IQCH: variants seen among roughly 807,000 people sequenced by gnomAD.
The protein encoded by IQCH is IQ domain-containing protein H.
A neutral mutation model predicts 117.0 loss-of-function variants in IQCH; 98 were observed. That is an observed-to-expected ratio of 0.84 (90% confidence interval 0.71 to 0.99). The LOEUF (loss-of-function observed/expected upper bound fraction) is 0.99. IQCH is among the 50% of genes least tolerant of loss of function. IQCH has a pLI of 0.00. For synonymous variants in IQCH, 412 were observed against 448.2 expected (o/e 0.92, Z 1.02); for missense variants, 1,102 against 1,243.8 (o/e 0.89, Z 1.72).
rs778839597 is a variant in IQCH at position 67,421,624 on chromosome 15, C to A, written c.2505+47C>A. ...CGAAATGCTAAAATATGTAATGACT[C>A]CGCACCCTACACACCTACAGTACAA... is the stretch of plus-strand genomic sequence containing the variant. On this transcript the variant is annotated intron_variant, in intron 16 of 20. Coordinates refer to ENST00000335894, the MANE Select transcript of IQCH (RefSeq NM_001031715.3). The A allele has an allele frequency of 5.1e-6, 8 of 1,580,272 alleles. No homozygotes were observed. In the South Asian group the frequency reaches 5.7e-5, roughly 11 times the overall value.
At chr15:67,397,529 G>C (rs558777543) in intron 13 of IQCH, among the ~76,000 whole-genome samples, 45 of 152,210 alleles carry the variant, frequency 3.0e-4, no homozygotes, top group Non-Finnish European at 5.7e-4. Context: ...TCCAGATAGT[G>C]ACTACCCTAT....
chr15:67,292,890 A>G (rs1486064475), intron 4 of IQCH, among the ~76,000 whole-genome samples: 1 of 152,132 alleles, frequency 6.6e-6, no homozygotes, highest in Non-Finnish European at 1.5e-5. Flanking sequence ...CCAGTCCTGG[A>G]TCTGTTATCC....
At chr15:67,492,684 C>A (rs2141097024) in intron 19 of IQCH, among the ~76,000 whole-genome samples, 1 of 152,268 alleles carries the variant, frequency 6.6e-6, no homozygotes, top group Non-Finnish European at 1.5e-5. Flanking sequence ...GGCTGACACT[C>A]AGGAGCAGGA....
chr15:67,372,302 A>T lies in IQCH; in HGVS notation c.945A>T (p.Pro315=). 1 of 1,614,130 alleles carries T rather than the reference A, an allele frequency of 6.2e-7. No homozygotes were observed. Among genetic ancestry groups the T allele is most frequent in the Non-Finnish European group, 8.5e-7 (1 of 1,180,006 alleles). Residue 315 remains proline (P), a synonymous_variant, in exon 9 of 21, where the codon CCA becomes CCT. Coordinates refer to ENST00000335894, the MANE Select transcript of IQCH (RefSeq NM_001031715.3). Reference sequence around the variant, plus strand: ...AGTTTCTCAGGAACTATGCTATACCAGAAGTCAAAATAAAAGGGAATAATT... The same window carrying T: ...AGTTTCTCAGGAACTATGCTATACCTGAAGTCAAAATAAAAGGGAATAATT... The part of the protein sequence containing the change: ...VEKFLRNYAI[P]EVKIKGNNLV...
intron 16 of IQCH, among the ~76,000 whole-genome samples, chr15:67,434,254 C>G (rs988944822): frequency 2.0e-5 from 3 of 152,174 alleles, no homozygotes; most frequent in Admixed American, 1.3e-4. Context: ...CTTCCGACCC[C>G]TGGTAATCAC....
At position 67,474,771 on chromosome 15, in the gene IQCH, C is replaced by A. The variant is rs2083162865; in HGVS notation, c.2677-925C>A. On this transcript the variant is annotated intron_variant, in intron 17 of 20. Coordinates refer to ENST00000335894, the MANE Select transcript of IQCH (RefSeq NM_001031715.3). The surrounding 1 kb of genome is among the most constrained non-coding windows in gnomAD (Gnocchi z 4.1). Reference sequence around the variant, plus strand: ...GAAAATATCTTTACAGCAGAGAAATCTGTAAAGTTTTTTCACAAGCTTCAA... The same window carrying A: ...GAAAATATCTTTACAGCAGAGAAATATGTAAAGTTTTTTCACAAGCTTCAA... Among the ~76,000 whole-genome samples, 2 of 152,154 alleles carry A rather than the reference C, an allele frequency of 1.3e-5. No homozygotes were observed. The highest frequency in any genetic ancestry group is 4.8e-5 in the African/African-American group (2 of 41,432).
At position 67,344,069 on chromosome 15, in the gene IQCH, T is replaced by C. The variant is rs1352971809; in HGVS notation, c.515T>C (p.Leu172Ser). The change falls in exon 6 of 21, where the codon TTA becomes TCA. Residue 172 changes from leucine to serine, a missense_variant. This residue lies in a region of IQCH where 452 missense variants were observed against 449.6 expected (regional missense o/e 1.01). Transcript: ENST00000335894. ...TATTAATGTTTCTTTTTAGGGATTT[T>C]AAGTATGATAGAACGAGGGCTGATT... ...VLQADAHKGI[L>S]SMIERGLIPP... 3 of 1,611,498 alleles carry C rather than the reference T, an allele frequency of 1.9e-6. No individual in the cohort carries two copies. The highest frequency in any genetic ancestry group is 2.5e-6 in the Non-Finnish European group (3 of 1,178,694).
rs2082153698 is a variant in IQCH at position 67,436,974 on chromosome 15, A to G, written c.2505+15397A>G. On this transcript the variant is annotated intron_variant, in intron 16 of 20. Coordinates refer to ENST00000335894, the MANE Select transcript of IQCH (RefSeq NM_001031715.3). This position sits in a 1 kb window ranked among gnomAD's most constrained non-coding sequence, Gnocchi z 5.1. The stretch of plus-strand genomic sequence containing the variant: ...ATGGTCCTTCCCTATCCACCCTGGT[A>G]GCAGAAGACAAAGGGCATATAATCT... Among the ~76,000 whole-genome samples, 3 of 150,118 alleles carry G rather than the reference A, an allele frequency of 2.0e-5. No homozygotes were observed. Among genetic ancestry groups the G allele is most frequent in the Middle Eastern group, 3.4e-3 (1 of 294 alleles).
intron 4 of IQCH, among the ~76,000 whole-genome samples, chr15:67,336,022 C>T (rs774617884): frequency 2.6e-5 from 4 of 151,778 alleles, no homozygotes; most frequent in Non-Finnish European, 4.4e-5. Flanking sequence ...ATTGTGCAAC[C>T]GAGTCCAATG....
intron 4 of IQCH, among the ~76,000 whole-genome samples, chr15:67,308,645 G>A (rs1967429412): frequency 1.3e-5 from 2 of 152,044 alleles, no homozygotes; most frequent in South Asian, 4.1e-4. Context: ...CTGATTCACA[G>A]CCTATAAAAT....
intron 6 of IQCH, among the ~76,000 whole-genome samples, chr15:67,350,436 GT>G (rs1034461667): frequency 6.6e-6 from 1 of 151,888 alleles, no homozygotes; most frequent in Non-Finnish European, 1.5e-5. Context: ...TTTTGTTTTT[GT>G]TTTTTTGAGA....
At chr15:67,328,723 A>G (rs1968524563) in intron 4 of IQCH, among the ~76,000 whole-genome samples, 1 of 152,268 alleles carries the variant, frequency 6.6e-6, no homozygotes, top group Non-Finnish European at 1.5e-5. Flanking sequence ...CATGGCATGA[A>G]CATACTGCTG....
At position 67,366,653 on chromosome 15, in the gene IQCH, T is replaced by C. The variant is rs1169311166; in HGVS notation, c.754-5458T>C. Among the ~76,000 whole-genome samples the C allele has an allele frequency of 6.6e-6, 1 of 152,220 alleles. No individual in the cohort carries two copies. The highest frequency in any genetic ancestry group is 1.5e-5 in the Non-Finnish European group (1 of 68,048). ...GCTCGATGAGTTCTGTTTTTGCCTT[T>C]TATTCTCTTTGTAAAGGTTAAGGAC... is the stretch of plus-strand genomic sequence containing the variant. On this transcript the variant is annotated intron_variant, in intron 8 of 20. Coordinates refer to ENST00000335894, the MANE Select transcript of IQCH (RefSeq NM_001031715.3). The surrounding 1 kb of genome is among the most constrained non-coding windows in gnomAD (Gnocchi z 4.4).
chr15:67,331,832 C>G (rs1215974201), intron 4 of IQCH, among the ~76,000 whole-genome samples: 1 of 152,150 alleles, frequency 6.6e-6, no homozygotes, highest in Non-Finnish European at 1.5e-5. Flanking sequence ...CATTTCAGCC[C>G]TTAGGAAGGA....
intron 16 of IQCH, among the ~76,000 whole-genome samples, chr15:67,442,063 G>C (rs2082281339): frequency 6.6e-6 from 1 of 151,952 alleles, no homozygotes; most frequent in South Asian, 2.1e-4. Context: ...TCAAAAAATG[G>C]GCTACGGACA....
intron 16 of IQCH, among the ~76,000 whole-genome samples, chr15:67,435,502 T>C (rs1159822570): frequency 6.6e-6 from 1 of 152,004 alleles, no homozygotes; most frequent in East Asian, 1.9e-4. Flanking sequence ...GAGAATTGCT[T>C]GAACCAGGGA....
At chr15:67,383,421 A>T (rs1971007142) in intron 10 of IQCH, among the ~76,000 whole-genome samples, 1 of 152,218 alleles carries the variant, frequency 6.6e-6, no homozygotes, top group African/African-American at 2.4e-5. Context: ...CAAAGTGATC[A>T]GACATCTTTT....
chr15:67,362,141 C>T (rs1043398195), intron 8 of IQCH, among the ~76,000 whole-genome samples: 2 of 66,592 alleles, frequency 3.0e-5, no homozygotes, highest in African/African-American at 5.1e-5. Context: ...CATACATATA[C>T]GCACACACCA....
At chr15:67,338,921 G>GGCCAA (rs1969022287) in intron 5 of IQCH, among the ~76,000 whole-genome samples, 1 of 151,904 alleles carries the variant, frequency 6.6e-6, no homozygotes, top group Admixed American at 6.5e-5. Context: ...ATCTTTATCA[G>GGCCAA]GCCAAGCACA....
Sources: gnomAD v4.1 joint callset for allele counts (sites outside exome capture counted in the v4.1 genomes callset) on GRCh38, gnomAD v4.1.1 for gene constraint, gnomAD v4.1.1 regional missense constraint, Gnocchi (gnomAD v3.1) non-coding constraint, MANE v1.5 for transcripts, NCBI Gene and HGNC (gene_info 2026-07-23, HGNC 2026-07-21) for gene names.